Variants in CRK observed in about 807,000 individuals in gnomAD.
CRK encodes adapter molecule crk.
CRK carries 4 observed loss-of-function variants against 29.8 expected under a neutral mutation model. The observed-to-expected ratio is 0.13, with a 90% CI of 0.07 to 0.31. CRK has a LOEUF of 0.31. Ranked by LOEUF, CRK falls within the 10% of genes least tolerant of loss-of-function variation. The pLI is 1.00. For synonymous variants in CRK, 153 were observed against 164.9 expected, an observed-to-expected ratio of 0.93 and a Z score of 0.55; for missense variants, 274 against 396.5, an observed-to-expected ratio of 0.69 and a Z score of 2.62.
chr17:1,452,213 G>A (rs1406970490), intron 1 of CRK, among the ~76,000 whole-genome samples: 1 of 152,096 alleles, frequency 6.6e-6, no homozygotes, highest in African/African-American at 2.4e-5. Context: ...GAATCTATGA[G>A]TGTTTCCTCC....
intron 2 of CRK, among the ~76,000 whole-genome samples, chr17:1,427,758 T>A (rs1331609113): frequency 6.6e-6 from 1 of 151,630 alleles, no homozygotes; most frequent in Non-Finnish European, 1.5e-5. Flanking sequence ...GGCTCTCAAG[T>A]AGCTGGGACG....
chr17:1,454,239 T>TA (rs1417046327), intron 1 of CRK, among the ~76,000 whole-genome samples: 1 of 151,160 alleles, frequency 6.6e-6, no homozygotes, highest in African/African-American at 2.4e-5. Flanking sequence ...AGAAAAATTT[T>TA]AAAAAAATTA....
At chr17:1,427,226 G>A (rs1367231488) in intron 2 of CRK, among the ~76,000 whole-genome samples, 1 of 149,968 alleles carries the variant, frequency 6.7e-6, no homozygotes, top group Non-Finnish European at 1.5e-5. Flanking sequence ...GGGAGTTTGA[G>A]CTGTAGCAAG....
chr17:1,433,644 G>A (rs182801462), intron 2 of CRK, among the ~76,000 whole-genome samples: 5 of 142,418 alleles, frequency 3.5e-5, no homozygotes, highest in Non-Finnish European at 6.0e-5. Context: ...TTAGCCTCCC[G>A]AGTAGCTGGA....
At chr17:1,427,574 C>T (rs1166845353) in intron 2 of CRK, among the ~76,000 whole-genome samples, 4 of 151,786 alleles carry the variant, frequency 2.6e-5, no homozygotes, top group Non-Finnish European at 5.9e-5. Context: ...GCCTGGGTAA[C>T]AGAGCGAGAC....
chr17:1,452,357 AGTT>A (rs2074024601), intron 1 of CRK, among the ~76,000 whole-genome samples: 2 of 152,232 alleles, frequency 1.3e-5, no homozygotes, highest in Admixed American at 1.3e-4. Context: ...AATAAACATT[AGTT>A]ATTAATATTC....
intron 2 of CRK, among the ~76,000 whole-genome samples, chr17:1,431,449 C>G (rs928125374): frequency 6.6e-6 from 1 of 152,024 alleles, no homozygotes; most frequent in Non-Finnish European, 1.5e-5. Context: ...CATACCGGGG[C>G]GGTGGCTCAC....
At chr17:1,428,087 G>A (rs1006560808) in intron 2 of CRK, among the ~76,000 whole-genome samples, 1 of 149,646 alleles carries the variant, frequency 6.7e-6, no homozygotes, top group Admixed American at 6.7e-5. Flanking sequence ...GGCAAAACCT[G>A]CTAATGTGCC....
At chr17:1,436,418 T>G (rs2150905643) in intron 2 of CRK, among the ~76,000 whole-genome samples, 1 of 152,242 alleles carries the variant, frequency 6.6e-6, no homozygotes, top group South Asian at 2.1e-4. Context: ...AACATTCAGT[T>G]ATACAGTTTT....
rs2037060403 is a variant in CRK at position 1,436,908 on chromosome 17, G to A, written c.489C>T (p.Asp163=). The A allele has an allele frequency of 6.2e-7, 1 of 1,613,992 alleles. No homozygotes were observed. Among genetic ancestry groups the A allele is most frequent in the South Asian group, 1.1e-5 (1 of 91,078 alleles). ...CATTCCACCACTGCTCTTCAGGCTT[G>A]TCCCGGATTCTCAAGATGTCTCCTT... The part of the protein sequence containing the change: ...FKKGDILRIR[D]KPEEQWWNAE... Residue 163 remains aspartate (D), a synonymous_variant, in exon 2 of 3, where the codon GAC becomes GAT. Coordinates refer to ENST00000300574, the MANE Select transcript of CRK (RefSeq NM_016823.4).
Position 1,436,816 on chromosome 17 carries a change from G to A in CRK, c.581C>T (p.Ser194Phe), listed in dbSNP as rs1270600646. Residue 194 changes from serine to phenylalanine, a missense_variant, in exon 2 of 3, where the codon TCC becomes TTC. Ser to Phe is a radical substitution (Grantham distance 155). Coordinates refer to ENST00000300574, the MANE Select transcript of CRK (RefSeq NM_016823.4). Reference protein sequence around the residue: ...VPYVEKYRPASASVSALIGGN... With the variant: ...VPYVEKYRPAFASVSALIGGN... ...TCCAATCAGAGCCGATACTGAGGCG[G>A]AGGCAGGTCTATACTTCTCGACGTA... The A allele has an allele frequency of 1.3e-6, 2 of 1,584,252 alleles. No individual in the cohort carries two copies. The highest frequency in any genetic ancestry group is 3.6e-5 in the Admixed American group (2 of 55,854).
chr17:1,424,191 C>T (rs867691491), intron 2 of CRK, among the ~76,000 whole-genome samples: 1 of 151,904 alleles, frequency 6.6e-6, no homozygotes, highest in Non-Finnish European at 1.5e-5. Flanking sequence ...CACAGCCTCC[C>T]GAGTAGCTGG....
At chr17:1,445,488 C>G (rs182178277) in intron 1 of CRK, among the ~76,000 whole-genome samples, 1 of 152,302 alleles carries the variant, frequency 6.6e-6, no homozygotes, top group African/African-American at 2.4e-5. Flanking sequence ...CGCAAAAGTT[C>G]CGAGGGCAGG....
intron 2 of CRK, among the ~76,000 whole-genome samples, chr17:1,435,931 A>G (rs1263905305): frequency 6.6e-6 from 1 of 152,168 alleles, no homozygotes; most frequent in Non-Finnish European, 1.5e-5. Flanking sequence ...GTGAGCGTGG[A>G]AGAGAGGAAT....
rs778495014 is a variant in CRK at position 1,422,233 on chromosome 17, G to A, written c.*1280C>T. ...GGCTGGAACGCAGTGGTGCGATCTC[G>A]GCTCACTGCAGCCTCCACCTCCCAG... On this transcript the variant is annotated 3_prime_UTR_variant, in exon 3 of 3. Coordinates refer to ENST00000300574, the MANE Select transcript of CRK (RefSeq NM_016823.4). 8 of 145,980 alleles carry A rather than the reference G, an allele frequency of 5.5e-5. No individual in the cohort carries two copies. The highest frequency in any genetic ancestry group is 8.9e-5 in the Non-Finnish European group (6 of 67,316). 9.0% of individuals were successfully genotyped at this position (145,980 alleles called of 1,614,324 possible).
At chr17:1,428,255 A>G (rs1353972444) in intron 2 of CRK, among the ~76,000 whole-genome samples, 1 of 151,270 alleles carries the variant, frequency 6.6e-6, no homozygotes, top group African/African-American at 2.4e-5. Context: ...AGTAGCTGGG[A>G]CTACAGGCGC....
intron 1 of CRK, among the ~76,000 whole-genome samples, chr17:1,453,805 G>A (rs111963904): frequency 0.01 from 1,592 of 152,268 alleles, 34 homozygotes; most frequent in African/African-American, 0.036. Flanking sequence ...TACTAGGGAG[G>A]CTGAGACAGG....
intron 2 of CRK, among the ~76,000 whole-genome samples, chr17:1,433,409 C>T (rs1216876256): frequency 6.6e-6 from 1 of 151,868 alleles, no homozygotes; most frequent in Non-Finnish European, 1.5e-5. Context: ...TACAGAGAGG[C>T]AGCACAGGAG....
rs766559218 is a variant in CRK, at chr17:1,423,580, C to T, written c.848G>A (p.Arg283Gln). 1.3e-5 allele frequency: 21 copies of T among 1,613,996 alleles called. No homozygotes were observed. The highest frequency in any genetic ancestry group is 2.2e-5 in the South Asian group (2 of 91,092). The change falls in exon 3 of 3, where the codon CGA becomes CAA. Residue 283 changes from arginine to glutamine, a missense_variant. Around this residue, in one of 3 missense-constraint regions of CRK, gnomAD observed 121 missense variants for 154.3 expected, o/e 0.78. Transcript: ENST00000300574. ...GACATGTGTGAATGGGAAGTGACCT[C>T]GTTTGCCATTACACTCCCCTTCCCA... is the stretch of plus-strand genomic sequence containing the variant. ...GQWEGECNGK[R>Q]GHFPFTHVRL...
Sources: gnomAD v4.1 joint callset for allele counts (sites outside exome capture counted in the v4.1 genomes callset) on GRCh38, gnomAD v4.1.1 for gene constraint, gnomAD v4.1.1 regional missense constraint, MANE v1.5 for transcripts, NCBI Gene and HGNC (gene_info 2026-07-23, HGNC 2026-07-21) for gene names.